VPS13B: variants seen among roughly 807,000 people sequenced by gnomAD.
The protein encoded by VPS13B is intermembrane lipid transfer protein VPS13B.
Under a neutral mutation model 426.4 loss-of-function variants are expected in VPS13B, and 285 were observed. The observed-to-expected ratio is 0.67, with a 90% confidence interval of 0.61 to 0.74. The LOEUF (loss-of-function observed/expected upper bound fraction) is 0.74, where lower values mean the gene tolerates loss of function less well. Among genes scored for constraint, VPS13B ranks in the 30% least tolerant of loss-of-function variants. The pLI is 0.00. For missense variants in VPS13B, 4,537 were observed against 4,782.6 expected (o/e 0.95, Z 1.51); for synonymous variants, 1,676 against 1,676.4 (o/e 1.00, Z 0.01).
chr8:99,284,709 C>A (rs1819341841), intron 19 of VPS13B, among the ~76,000 whole-genome samples: 1 of 122,762 alleles, frequency 8.1e-6, no homozygotes, highest in Non-Finnish European at 1.7e-5. Flanking sequence ...AGCTGCCACA[C>A]CTGGCTAAAT....
intron 19 of VPS13B, among the ~76,000 whole-genome samples, chr8:99,293,005 G>C (rs891638441): frequency 2.0e-5 from 3 of 152,084 alleles, no homozygotes; most frequent in African/African-American, 7.2e-5. Context: ...TCTATAGTTT[G>C]TTACTAGAGA....
At chr8:99,648,673 T>C (rs1189180798) in intron 34 of VPS13B, among the ~76,000 whole-genome samples, 3 of 152,204 alleles carry the variant, frequency 2.0e-5, no homozygotes, top group Non-Finnish European at 4.4e-5. Context: ...CTGTCTTCCA[T>C]TTATAATTGT....
chr8:99,232,975 G>A, intron 17 of VPS13B: 1 of 706,574 alleles, frequency 1.4e-6, no homozygotes, highest in South Asian at 1.7e-5. Context: ...CTGGCTGGCT[G>A]TGTTTGGTCT....
intron 56 of VPS13B, among the ~76,000 whole-genome samples, chr8:99,857,374 G>A (rs7817791): frequency 0.01 from 1,584 of 152,260 alleles, 25 homozygotes; most frequent in African/African-American, 0.037. Context: ...TGGAGAGATG[G>A]GGAATTAAGA....
chr8:99,612,457 A>C (rs1343068230), intron 33 of VPS13B, among the ~76,000 whole-genome samples: 2 of 152,136 alleles, frequency 1.3e-5, no homozygotes, highest in Non-Finnish European at 2.9e-5. Context: ...ACAATACTAA[A>C]TATTCTGCTG....
intron 2 of VPS13B, among the ~76,000 whole-genome samples, chr8:99,020,553 A>AT (rs1477531528): frequency 6.6e-5 from 10 of 152,204 alleles, no homozygotes; most frequent in Admixed American, 6.5e-4. Flanking sequence ...CCAAGAAATC[A>AT]TTGTCAAATC....
chr8:99,657,301 A>G (rs1283302140), intron 34 of VPS13B, among the ~76,000 whole-genome samples: 1 of 152,088 alleles, frequency 6.6e-6, no homozygotes, highest in East Asian at 1.9e-4. Flanking sequence ...CCCAGTTTAT[A>G]CCTTGAGAGG....
At position 99,156,733 on chromosome 8, in the gene VPS13B, G is replaced by A; in HGVS notation, c.2198G>A (p.Cys733Tyr). ...CTGCTTCATTATTGTTATGTACACT[G>A]CTATCTTAAGGTATGAAAAGTGAAT... is the stretch of plus-strand genomic sequence containing the variant. ...DNLLHYCYVH[C>Y]YLKIFGFQAG... Residue 733 changes from cysteine to tyrosine, a missense_variant, in exon 15 of 62, where the codon TGC becomes TAC. Coordinates refer to ENST00000357162, the MANE Select transcript of VPS13B (RefSeq NM_152564.5). 6.2e-7 allele frequency: 1 copy of A among 1,613,892 alleles called. No individual in the cohort carries two copies. The highest frequency in any genetic ancestry group is 8.5e-7 in the Non-Finnish European group (1 of 1,179,842).
intron 39 of VPS13B, among the ~76,000 whole-genome samples, chr8:99,727,378 T>C (rs552873121): frequency 6.6e-6 from 1 of 152,282 alleles, no homozygotes; most frequent in South Asian, 2.1e-4. Context: ...ACACACAAGA[T>C]GGATTGGGTA....
intron 24 of VPS13B, among the ~76,000 whole-genome samples, chr8:99,478,765 G>A (rs1285902646): frequency 7.0e-6 from 1 of 143,468 alleles, no homozygotes; most frequent in African/African-American, 2.6e-5. Flanking sequence ...CTTGATTTTT[G>A]TTTTAACTTT....
At chr8:99,678,358 T>C (rs755663219) in intron 35 of VPS13B, among the ~76,000 whole-genome samples, 11 of 152,200 alleles carry the variant, frequency 7.2e-5, no homozygotes, top group Non-Finnish European at 1.0e-4. Context: ...TTCTGTTTAC[T>C]GGTAGCACTA....
chr8:99,715,787 T>C (rs941178700), intron 36 of VPS13B, among the ~76,000 whole-genome samples: 3 of 152,196 alleles, frequency 2.0e-5, no homozygotes, highest in African/African-American at 7.2e-5. Flanking sequence ...TTTATGCCTT[T>C]ATGGCAAATT....
chr8:99,604,267 T>C (rs1306589394), intron 33 of VPS13B, among the ~76,000 whole-genome samples: 1 of 152,208 alleles, frequency 6.6e-6, no homozygotes, highest in East Asian at 1.9e-4. Context: ...GTTTCCCTTC[T>C]TGTCAACATT....
In VPS13B at chr8:99,725,513, A is replaced by C. The variant is rs532222874; in HGVS notation, c.7050+4466A>C. Among the ~76,000 whole-genome samples, 10 of 152,244 alleles carry C rather than the reference A, an allele frequency of 6.6e-5. No individual in the cohort carries two copies. The South Asian group carries it at 2.1e-3, about 32-fold the overall frequency. ...TGAAGTGGAACAGTTTTATCCCAAA[A>C]TCATCTCCCCACCCCTTGGTCTATG... On this transcript the variant is annotated intron_variant, in intron 39 of 61. Transcript: ENST00000357162.
chr8:99,661,072 A>G (rs1470892432), intron 34 of VPS13B, among the ~76,000 whole-genome samples: 1 of 152,126 alleles, frequency 6.6e-6, no homozygotes, highest in Non-Finnish European at 1.5e-5. Context: ...CTCAGAATAC[A>G]TAAACTTTAC....
At chr8:99,815,681 A>G (rs2130805283) in intron 44 of VPS13B, among the ~76,000 whole-genome samples, 1 of 152,228 alleles carries the variant, frequency 6.6e-6, no homozygotes, top group African/African-American at 2.4e-5. Context: ...TATTCTGGAA[A>G]AATATTACAA....
At chr8:99,819,615 A>G in intron 48 of VPS13B, 33 bp downstream of exon 48, 2 of 1,604,404 alleles carry the variant, frequency 1.2e-6, no homozygotes, top group Non-Finnish European at 1.7e-6. Context: ...TTCTACAAAA[A>G]TTTCTCAACA....
intron 33 of VPS13B, among the ~76,000 whole-genome samples, chr8:99,629,920 G>A (rs141751551): frequency 6.6e-5 from 10 of 152,130 alleles, no homozygotes; most frequent in South Asian, 6.2e-4. Flanking sequence ...CATTTTTATC[G>A]CATTAATTTT....
At chr8:99,310,714 G>A (rs1004576973) in intron 19 of VPS13B, among the ~76,000 whole-genome samples, 3 of 152,148 alleles carry the variant, frequency 2.0e-5, no homozygotes, top group Non-Finnish European at 4.4e-5. Context: ...AATGAGTTAG[G>A]GAGGATTCCC....
Sources: allele counts gnomAD v4.1 joint callset (sites outside exome capture counted in the v4.1 genomes callset), GRCh38; gene constraint gnomAD v4.1.1; transcripts MANE v1.5; gene names NCBI Gene and HGNC (gene_info 2026-07-23, HGNC 2026-07-21).